Variants in KLHL1 observed in about 807,000 individuals in gnomAD.
KLHL1 encodes the protein kelch-like protein 1.
In KLHL1, 47 loss-of-function variants were observed where a neutral mutation model predicts 77.7. The observed-to-expected ratio is 0.60, with a 90% CI of 0.48 to 0.77. The LOEUF is 0.77. Among genes scored for constraint, KLHL1 ranks in the 30% least tolerant of loss-of-function variants. KLHL1 has a pLI of 0.00. For synonymous variants in KLHL1, 360 were observed against 325.2 expected (o/e 1.11, Z -1.15); for missense variants, 925 against 910.8 (o/e 1.02, Z -0.20).
Position 69,796,790 on chromosome 13 carries a change from T to A in KLHL1, c.1587A>T (p.Lys529Asn). ...TLNTVECYNPKTKTWTVLPPM... is the reference protein window; with the variant it reads ...TLNTVECYNPNTKTWTVLPPM... ...GTGGTAAGACAGTCCATGTCTTGGT[T>A]TTGGGATTGTAACATTCAACAGTGT... The change falls in exon 7 of 11, where the codon AAA becomes AAT. Residue 529 changes from lysine to asparagine, a missense_variant. By Grantham distance (94) the Lys-to-Asn change is moderately conservative (BLOSUM62 0). Transcript: ENST00000377844. 1 of 1,614,152 alleles carries A rather than the reference T, an allele frequency of 6.2e-7. No individual in the cohort carries two copies. Among genetic ancestry groups the A allele is most frequent in the Non-Finnish European group, 8.5e-7 (1 of 1,180,006 alleles).
chr13:70,079,346 C>T (rs1887338697), intron 1 of KLHL1, among the ~76,000 whole-genome samples: 1 of 152,136 alleles, frequency 6.6e-6, no homozygotes, highest in Admixed American at 6.5e-5. Context: ...CAAAGTTCCC[C>T]AGGTAATTCT....
At position 69,916,909 on chromosome 13, in the gene KLHL1, A is replaced by G. The variant is rs532067655; in HGVS notation, c.1014+23131T>C. On this transcript the variant is annotated intron_variant, in intron 4 of 10. Coordinates refer to ENST00000377844, the MANE Select transcript of KLHL1 (RefSeq NM_020866.3). ...ATTGGTATTTTTTTAGAAGCCATATACACAATATAGTGCAAGCAAAAAGAA... is the reference window on the plus strand; with the variant it reads ...ATTGGTATTTTTTTAGAAGCCATATGCACAATATAGTGCAAGCAAAAAGAA... 3.9e-5 allele frequency among the ~76,000 whole-genome samples: 6 copies of G among 152,190 alleles called. No homozygotes were observed. In the East Asian group the frequency reaches 5.8e-4, roughly 15 times the overall value.
chr13:69,718,259 G>T (rs1346871090), intron 9 of KLHL1, among the ~76,000 whole-genome samples: 3 of 152,072 alleles, frequency 2.0e-5, no homozygotes, highest in Non-Finnish European at 4.4e-5. Flanking sequence ...CTCCCAAAAA[G>T]CTTTCTGTGG....
At chr13:70,102,944 C>CCT (rs1185535610) in intron 1 of KLHL1, among the ~76,000 whole-genome samples, 1 of 152,250 alleles carries the variant, frequency 6.6e-6, no homozygotes, top group African/African-American at 2.4e-5. Flanking sequence ...CAGACATACT[C>CCT]CTCTCCACTT....
At chr13:69,987,758 T>C (rs1290475139) in intron 1 of KLHL1, among the ~76,000 whole-genome samples, 1 of 151,994 alleles carries the variant, frequency 6.6e-6, no homozygotes, top group Admixed American at 6.6e-5. Flanking sequence ...CAGATAAAAA[T>C]AGAAACATAT....
chr13:69,911,102 A>T (rs1458558336), intron 4 of KLHL1, among the ~76,000 whole-genome samples: 1 of 152,056 alleles, frequency 6.6e-6, no homozygotes, highest in East Asian at 1.9e-4. Context: ...GTTAGTAATC[A>T]GTCTGTCTTT....
chr13:69,915,161 C>T (rs1026925550), intron 4 of KLHL1, among the ~76,000 whole-genome samples: 7 of 152,208 alleles, frequency 4.6e-5, no homozygotes, highest in East Asian at 1.9e-4. Flanking sequence ...AAAATGGCCA[C>T]ACTGCCCAAA....
intron 1 of KLHL1, among the ~76,000 whole-genome samples, chr13:70,082,505 T>G (rs1887422059): frequency 6.6e-6 from 1 of 152,074 alleles, no homozygotes; most frequent in African/African-American, 2.4e-5. Flanking sequence ...TTTTTCATAA[T>G]TTTCATATTT....
At chr13:69,954,722 A>T (rs2137259585) in intron 3 of KLHL1, among the ~76,000 whole-genome samples, 1 of 151,354 alleles carries the variant, frequency 6.6e-6, no homozygotes, top group East Asian at 1.9e-4. Flanking sequence ...AACAGTCACA[A>T]AATTGAAATA....
chr13:69,783,510 T>C (rs1876342712), intron 7 of KLHL1, among the ~76,000 whole-genome samples: 1 of 151,886 alleles, frequency 6.6e-6, no homozygotes, highest in Non-Finnish European at 1.5e-5. Context: ...AGCCAAGGCT[T>C]GAGAACTACG....
chr13:69,760,412 A>T (rs1287789792), intron 7 of KLHL1, among the ~76,000 whole-genome samples: 1 of 152,016 alleles, frequency 6.6e-6, no homozygotes, highest in African/African-American at 2.4e-5. Context: ...CTGGAGTGCA[A>T]GAGCATGATC....
At chr13:69,880,013 A>G (rs1880926343) in intron 5 of KLHL1, among the ~76,000 whole-genome samples, 1 of 152,190 alleles carries the variant, frequency 6.6e-6, no homozygotes, top group Non-Finnish European at 1.5e-5. Flanking sequence ...AGAACCTTCA[A>G]AATTGATTAA....
At chr13:69,703,649 A>T (rs1875499531) in intron 10 of KLHL1, among the ~76,000 whole-genome samples, 2 of 151,666 alleles carry the variant, frequency 1.3e-5, no homozygotes, top group South Asian at 2.1e-4. Context: ...AGCTTCATTC[A>T]GGTTAAATAA....
intron 3 of KLHL1, among the ~76,000 whole-genome samples, chr13:69,948,602 T>C (rs1284505405): frequency 6.6e-6 from 1 of 151,994 alleles, no homozygotes; most frequent in African/African-American, 2.4e-5. Flanking sequence ...CAAATATGTA[T>C]GAGTAGACTT....
At chr13:69,809,011 T>A (rs2138058833) in intron 6 of KLHL1, among the ~76,000 whole-genome samples, 1 of 128,100 alleles carries the variant, frequency 7.8e-6, no homozygotes, top group East Asian at 2.1e-4. Flanking sequence ...CAGAAAAAAA[T>A]AAAGTAAAAG....
intron 5 of KLHL1, among the ~76,000 whole-genome samples, chr13:69,843,332 G>T (rs1879338561): frequency 6.6e-6 from 1 of 151,542 alleles, no homozygotes; most frequent in Non-Finnish European, 1.5e-5. Context: ...TTGCAAAATT[G>T]TAACAGAATA....
chr13:69,830,531 GA>G (rs1373448526), intron 6 of KLHL1, among the ~76,000 whole-genome samples: 1 of 150,046 alleles, frequency 6.7e-6, no homozygotes, highest in African/African-American at 2.5e-5. Context: ...GACAGCACTA[GA>G]CCGTCATCAA....
intron 7 of KLHL1, among the ~76,000 whole-genome samples, chr13:69,782,515 T>A (rs1307800849): frequency 6.6e-6 from 1 of 152,198 alleles, no homozygotes; most frequent in African/African-American, 2.4e-5. Context: ...GGAGATTATA[T>A]CCTGCACCTG....
intron 1 of KLHL1, among the ~76,000 whole-genome samples, chr13:70,061,342 T>A (rs971441824): frequency 5.9e-4 from 32 of 54,682 alleles, no homozygotes; most frequent in Non-Finnish European, 1.9e-3. Flanking sequence ...TGAATTCCAT[T>A]TTTTTTTTTT....
Sources: allele counts gnomAD v4.1 joint callset (sites outside exome capture counted in the v4.1 genomes callset), GRCh38; gene constraint gnomAD v4.1.1; transcripts MANE v1.5; gene names NCBI Gene and HGNC (gene_info 2026-07-23, HGNC 2026-07-21).